Variants in PLA2G2A observed in about 807,000 individuals in gnomAD.
PLA2G2A encodes the protein phospholipase A2 group IIA, also known as phospholipase A2, membrane associated.
Under a neutral mutation model 11.2 loss-of-function variants are expected in PLA2G2A, and 6 were observed. That is an observed-to-expected ratio of 0.54 (90% CI 0.29 to 1.06). The LOEUF is 1.06. PLA2G2A is among the 50% of genes least tolerant of loss of function. The pLI, the probability that PLA2G2A is intolerant of heterozygous loss-of-function variation, is 0.08. For missense variants in PLA2G2A, 133 were observed against 177.1 expected, an observed-to-expected ratio of 0.75 and a Z score of 1.41; for synonymous variants, 69 against 65.8, an observed-to-expected ratio of 1.05 and a Z score of -0.23.
rs374195472 is a variant in PLA2G2A, at chr1:19,978,589, CCT to C, written c.41-67_41-66del. On this transcript the variant is annotated intron_variant, in intron 2 of 4. Coordinates refer to ENST00000482011, the Ensembl canonical transcript of PLA2G2A. ...GGGTTCTGCGCCCTCCCTCTCTGCC[CCT>C]CTCTGCTACTCTCCTTCCTCCCAAA... 1.6e-4 allele frequency: 260 copies of C among 1,605,980 alleles called. No homozygotes were observed. In the African/African-American group the frequency reaches 2.9e-3, roughly 18 times the overall value.
intron 3 of PLA2G2A, 122 bp from the exon 4 acceptor site, chr1:19,978,243 G>C: frequency 7.4e-7 from 1 of 1,354,136 alleles, no homozygotes; most frequent in Non-Finnish European, 1.1e-6. Flanking sequence ...TAGAGCAGAA[G>C]TTCCAACATG....
chr1:19,975,461 G>A (rs898323774), downstream of PLA2G2A: 20 of 573,620 alleles, frequency 3.5e-5, no homozygotes, highest in Middle Eastern at 4.7e-4. Flanking sequence ...TTATTCAGAA[G>A]AGACCCCCCG....
At chr1:19,977,764 A>G (rs908079642) in intron 4 of PLA2G2A, among the ~76,000 whole-genome samples, 2 of 152,168 alleles carry the variant, frequency 1.3e-5, no homozygotes, top group African/African-American at 4.8e-5. Flanking sequence ...ACAGCCTTTC[A>G]GACTCAGCTT....
intron 4 of PLA2G2A, among the ~76,000 whole-genome samples, chr1:19,976,735 C>T (rs779701275): frequency 5.3e-5 from 8 of 152,326 alleles, no homozygotes; most frequent in South Asian, 2.1e-4. Flanking sequence ...ACCCACCTCT[C>T]CTCCCCTTCA....
At chr1:19,976,319 A>G (rs2100409691) in intron 4 of PLA2G2A, among the ~76,000 whole-genome samples, 1 of 152,324 alleles carries the variant, frequency 6.6e-6, no homozygotes, top group East Asian at 1.9e-4. Flanking sequence ...AGAGATGCCC[A>G]AAAGGAAAGC....
downstream of PLA2G2A, chr1:19,975,509 G>C: frequency 1.6e-6 from 1 of 630,892 alleles, no homozygotes; most frequent in Non-Finnish European, 2.8e-6. Flanking sequence ...AGTTGAGGTG[G>C]AGGAGAGCAG....
chr1:19,978,279 C>T (rs2046249610), intron 3 of PLA2G2A, 101 bp downstream of exon 3: 1 of 1,475,616 alleles, frequency 6.8e-7, no homozygotes, highest in African/African-American at 1.4e-5. Flanking sequence ...GCCAGGCCAT[C>T]CTGAGACCTC....
chr1:19,979,002 A>G (rs1278661249), intron 1 of PLA2G2A, 123 bp from the exon 2 acceptor site: 1 of 413,330 alleles, frequency 2.4e-6, no homozygotes, highest in Non-Finnish European at 4.2e-6. Flanking sequence ...CACACACACA[A>G]CCACCTCCTG....
At chr1:19,975,800 C>T in exon 5 of PLA2G2A, 2 of 1,613,912 alleles carry the variant, frequency 1.2e-6, no homozygotes, top group East Asian at 2.2e-5. Flanking sequence ...TGGCAGCAGC[C>T]TTATCACACT....
chr1:19,976,513 C>T (rs976662258), intron 4 of PLA2G2A, among the ~76,000 whole-genome samples: 2 of 152,218 alleles, frequency 1.3e-5, no homozygotes, highest in Non-Finnish European at 2.9e-5. Flanking sequence ...GCGACAGTCA[C>T]ATATCCCCAT....
At chr1:19,977,935 G>T in intron 4 of PLA2G2A, 80 bp downstream of exon 4, 1 of 871,566 alleles carries the variant, frequency 1.1e-6, no homozygotes, top group Non-Finnish European at 2.0e-6. Context: ...GTCCCTCTGT[G>T]TCTATCTTTG....
At position 19,978,528 on chromosome 1, in the gene PLA2G2A, G is replaced by A. The variant is rs2046257679; in HGVS notation, c.41-4C>T. 6.2e-7 allele frequency: 1 copy of A among 1,613,430 alleles called. No homozygotes were observed. The highest frequency in any genetic ancestry group is 8.5e-7 in the Non-Finnish European group (1 of 1,180,030). ...TTCCCATGGGCCTGCAGTAGGCCTG[G>A]AAGGAAATTTGGGAGTTGTCTGGTG... On this transcript the variant is annotated splice_region_variant and splice_polypyrimidine_tract_variant and intron_variant, in intron 2 of 4. Transcript: ENST00000482011.
At chr1:19,976,252 A>G (rs375557442) in intron 4 of PLA2G2A, among the ~76,000 whole-genome samples, 2 of 152,220 alleles carry the variant, frequency 1.3e-5, no homozygotes, top group South Asian at 4.1e-4. Context: ...CCAATGAGCA[A>G]CAAGGGGAAG....
chr1:19,979,783 G>C (rs963095231), upstream of PLA2G2A: 6 of 152,310 alleles, frequency 3.9e-5, no homozygotes, highest in Non-Finnish European at 5.9e-5. Context: ...TGGCAGGACA[G>C]AGTTGAGGAT....
At chr1:19,978,955 G>T in intron 1 of PLA2G2A, 76 bp from the exon 2 acceptor site, 29 of 610,560 alleles carry the variant, frequency 4.7e-5, no homozygotes, top group Non-Finnish European at 6.2e-5. Flanking sequence ...GAGCACACAA[G>T]GAGTGCCCTC....
At chr1:19,980,113 G>C (rs1448294306), upstream of PLA2G2A, among the ~76,000 whole-genome samples, 1 of 152,146 alleles carries the variant, frequency 6.6e-6, no homozygotes, top group East Asian at 1.9e-4. Context: ...TATGTCCTGG[G>C]CCTCTACCAT....
chr1:19,979,179 A>G (rs2046268374), intron 1 of PLA2G2A: 1 of 275,294 alleles, frequency 3.6e-6, no homozygotes, highest in African/African-American at 2.2e-5. Flanking sequence ...CTGAGGTCAG[A>G]GGATGTGTCC....
chr1:19,977,084 C>T (rs1002726824), intron 4 of PLA2G2A, among the ~76,000 whole-genome samples: 1 of 152,304 alleles, frequency 6.6e-6, no homozygotes, highest in East Asian at 1.9e-4. Flanking sequence ...GTCTCTGCTG[C>T]TGGCTTCTGA....
At chr1:19,976,831 G>T (rs932624614) in intron 4 of PLA2G2A, among the ~76,000 whole-genome samples, 6 of 152,112 alleles carry the variant, frequency 3.9e-5, no homozygotes, top group Non-Finnish European at 8.8e-5. Flanking sequence ...ATCTGGCTTT[G>T]CCCTCCCGAC....
Sources: gnomAD v4.1 joint callset for allele counts (sites outside exome capture counted in the v4.1 genomes callset) on GRCh38, gnomAD v4.1.1 for gene constraint, MANE v1.5 for transcripts, NCBI Gene and HGNC (gene_info 2026-07-23, HGNC 2026-07-21) for gene names.